Variants in MAP9 observed in about 807,000 individuals in gnomAD.
The protein encoded by MAP9 is microtubule-associated protein 9.
In MAP9, 80 loss-of-function variants were observed where a neutral mutation model predicts 75.2. The observed-to-expected ratio is 1.06, with a 90% CI of 0.89 to 1.28. MAP9 has a LOEUF of 1.28. MAP9 is among the 50% of genes most tolerant of loss of function. The pLI is 0.00. For synonymous variants in MAP9, 235 were observed against 237.3 expected (o/e 0.99, Z 0.09); for missense variants, 753 against 719.9 (o/e 1.05, Z -0.53).
rs948730219 is a variant in MAP9, at chr4:155,342,770, T to C, written c.*5013A>G. The C allele has an allele frequency of 6.6e-6, 1 of 152,092 alleles. No homozygotes were observed. The highest frequency in any genetic ancestry group is 6.6e-5 in the Admixed American group (1 of 15,244). 9.4% of individuals were successfully genotyped at this position (152,092 alleles called of 1,614,324 possible). A position where few individuals can be genotyped will look rare whatever the true frequency, so the allele number is the denominator to read the frequency against. On this transcript the variant is annotated 3_prime_UTR_variant, in exon 14 of 14. Transcript: ENST00000311277. The stretch of plus-strand genomic sequence containing the variant: ...GCACTGCAGCAAGGTTAATCCTGTA[T>C]GTGAAAACCTCTGAGTGACTATCTC...
chr4:155,352,837 G>A, intron 12 of MAP9, 75 bp downstream of exon 12: 1 of 1,415,864 alleles, frequency 7.1e-7, no homozygotes, highest in Non-Finnish European at 9.6e-7. Flanking sequence ...TAAATTTCAA[G>A]TAAATAAATT....
rs1327754461 is a variant in MAP9 at position 155,375,188 on chromosome 4, C to T, written c.76-167G>A. On this transcript the variant is annotated intron_variant, in intron 2 of 13. Transcript: ENST00000311277. ...CACTTTATGCCATGTACCCACTTTA[C>T]GCCTCATACTCAATGCAGAGCATCA... 6.6e-5 allele frequency among the ~76,000 whole-genome samples: 10 copies of T among 152,310 alleles called. No homozygotes were observed. In the East Asian group the frequency reaches 1.9e-3, roughly 29 times the overall value.
intron 5 of MAP9, among the ~76,000 whole-genome samples, chr4:155,364,410 T>C (rs1022364428): frequency 6.7e-6 from 1 of 149,790 alleles, no homozygotes; most frequent in Non-Finnish European, 1.5e-5. Flanking sequence ...TCCCTAGAAA[T>C]TGTATATGTA....
chr4:155,366,251 C>T (rs1257952240), intron 5 of MAP9, among the ~76,000 whole-genome samples: 5 of 151,052 alleles, frequency 3.3e-5, no homozygotes, highest in African/African-American at 4.9e-5. Flanking sequence ...CCCAGCTACT[C>T]GGGAGGCTGA....
intron 3 of MAP9, among the ~76,000 whole-genome samples, chr4:155,374,638 T>A (rs141329746): frequency 6.0e-4 from 92 of 152,334 alleles, no homozygotes; most frequent in African/African-American, 1.1e-3. Context: ...CCTGTCTTCT[T>A]CAATGTGGTT....
chr4:155,372,764 A>C (rs1350352387), intron 4 of MAP9, among the ~76,000 whole-genome samples: 1 of 152,186 alleles, frequency 6.6e-6, no homozygotes, highest in Non-Finnish European at 1.5e-5. Context: ...GGAGTGTGAG[A>C]GGGATTAGAC....
intron 5 of MAP9, chr4:155,368,347 G>T: frequency 1.7e-6 from 1 of 597,408 alleles, no homozygotes; most frequent in Non-Finnish European, 3.0e-6. Context: ...AGTTTAATTG[G>T]ATGCATTTCC....
chr4:155,373,739 A>G (rs566724170), intron 3 of MAP9, among the ~76,000 whole-genome samples: 31 of 152,334 alleles, frequency 2.0e-4, no homozygotes, highest in Admixed American at 1.3e-3. Flanking sequence ...TTGCTCTGGA[A>G]AAAGCCATCC....
At position 155,368,819 on chromosome 4, in the gene MAP9, A is replaced by G; in HGVS notation, c.482-7T>C. On this transcript the variant is annotated splice_region_variant and splice_polypyrimidine_tract_variant and intron_variant, in intron 4 of 13. Transcript: ENST00000311277. ...TCAAGGCTGTTGTTTTCTGCTGAAA[A>G]ATAAAATGCTTAAAGTGTGTGTATA... 6.3e-7 allele frequency: 1 copy of G among 1,596,634 alleles called. No individual in the cohort carries two copies. Among genetic ancestry groups the G allele is most frequent in the Middle Eastern group, 1.7e-4 (1 of 5,956 alleles).
At chr4:155,368,406 AG>A (rs1433932746) in intron 5 of MAP9, 179 bp downstream of exon 5, 2 of 626,118 alleles carry the variant, frequency 3.2e-6, no homozygotes, top group African/African-American at 3.7e-5. Context: ...CAATTGATGC[AG>A]TTTTAGACTC....
chr4:155,347,912 A>G lies in MAP9; in HGVS notation c.1822-7T>C. On this transcript the variant is annotated splice_region_variant and splice_polypyrimidine_tract_variant and intron_variant, in intron 13 of 13. Transcript: ENST00000311277. ...CTTGTTTTTCCTTATTTTCCTAAAG[A>G]GAAAATAGAACACTATAAATTTATG... 6.9e-7 allele frequency: 1 copy of G among 1,442,018 alleles called. No homozygotes were observed. Among genetic ancestry groups the G allele is most frequent in the Non-Finnish European group, 9.6e-7 (1 of 1,044,598 alleles). 89.3% of individuals were successfully genotyped at this position (1,442,018 alleles called of 1,614,324 possible). A position where few individuals can be genotyped will look rare whatever the true frequency, so the allele number is the denominator to read the frequency against.
chr4:155,364,963 A>C (rs370122393), intron 5 of MAP9, among the ~76,000 whole-genome samples: 1 of 152,044 alleles, frequency 6.6e-6, no homozygotes, highest in East Asian at 1.9e-4. Flanking sequence ...AGTAACAGAG[A>C]AACAACAATA....
intron 13 of MAP9, 63 bp downstream of exon 13, chr4:155,352,533 G>T: frequency 6.7e-7 from 1 of 1,492,462 alleles, no homozygotes. Context: ...ATTAGAATTA[G>T]GGACAGAAAA....
chr4:155,366,050 A>T (rs1732307453), intron 5 of MAP9, among the ~76,000 whole-genome samples: 1 of 152,176 alleles, frequency 6.6e-6, no homozygotes, highest in African/African-American at 2.4e-5. Flanking sequence ...TCTAAAGATA[A>T]GCAAATTAAA....
intron 5 of MAP9, among the ~76,000 whole-genome samples, chr4:155,366,450 G>A (rs1732334919): frequency 6.6e-6 from 1 of 151,954 alleles, no homozygotes; most frequent in Non-Finnish European, 1.5e-5. Context: ...AAAATTATTA[G>A]GTTGGTGCAA....
chr4:155,368,763 C>T lies in MAP9; in HGVS notation c.531G>A (p.Arg177=), dbSNP rs767062355. ...DTDDHFKPSP[R]PRSMLKKKSH... ...TTTTCTTTTTCAACATACTCCTTGGCCGAGGTGATGGTTTAAAGTGATCAT... is the reference window on the plus strand; with the variant it reads ...TTTTCTTTTTCAACATACTCCTTGGTCGAGGTGATGGTTTAAAGTGATCAT... The change falls in exon 5 of 14, where the codon CGG becomes CGA. Residue 177 remains arginine, a synonymous_variant. Transcript: ENST00000311277. 1.1e-5 allele frequency: 18 copies of T among 1,613,812 alleles called. No homozygotes were observed. The highest frequency in any genetic ancestry group is 1.4e-5 in the Non-Finnish European group (16 of 1,179,872).
chr4:155,353,375 T>C (rs777556013), intron 10 of MAP9, 35 bp from the exon 11 acceptor site: 6 of 1,459,092 alleles, frequency 4.1e-6, no homozygotes, highest in Non-Finnish European at 5.4e-6. Flanking sequence ...GATATACATA[T>C]ATATGTATAT....
In MAP9 at chr4:155,373,193, C is replaced by T. The variant is rs1194944746; in HGVS notation, c.424G>A (p.Asp142Asn). The part of the protein sequence containing the change: ...SQNKDEEFEK[D>N]KIKMKPKPRI... ...GGTTTAGGTTTCATTTTTATTTTGT[C>T]TTTTTCAAATTCCTCATCCTTATTT... Residue 142 changes from aspartate (D) to asparagine (N), a missense_variant, in exon 4 of 14, where the codon GAC becomes AAC. Physicochemically the swap from Asp to Asn is conservative, Grantham distance 23 (BLOSUM62 1). Coordinates refer to ENST00000311277, the MANE Select transcript of MAP9 (RefSeq NM_001039580.2). 1.9e-6 allele frequency: 3 copies of T among 1,596,458 alleles called. No individual in the cohort carries two copies. Among genetic ancestry groups the T allele is most frequent in the Non-Finnish European group, 2.6e-6 (3 of 1,173,230 alleles).
intron 4 of MAP9, 75 bp from the exon 5 acceptor site, chr4:155,368,887 T>C (rs570424379): frequency 1.6e-6 from 2 of 1,216,140 alleles, no homozygotes; most frequent in African/African-American, 1.5e-5. Context: ...GGTGCTACCA[T>C]ACTTCCCTCC....
Sources: gnomAD v4.1 joint callset for allele counts (sites outside exome capture counted in the v4.1 genomes callset) on GRCh38, gnomAD v4.1.1 for gene constraint, MANE v1.5 for transcripts, NCBI Gene and HGNC (gene_info 2026-07-23, HGNC 2026-07-21) for gene names.